LTBP1: variants seen among roughly 807,000 people sequenced by gnomAD.
LTBP1 encodes the protein latent transforming growth factor beta binding protein 1.
LTBP1 carries 129 observed loss-of-function variants against 207.6 expected under a neutral mutation model. The ratio of observed to expected loss-of-function variants is 0.62; its 90% confidence interval spans 0.54 to 0.72. The LOEUF (loss-of-function observed/expected upper bound fraction) is 0.72. Ranked by LOEUF, LTBP1 falls within the 30% of genes least tolerant of loss-of-function variation. LTBP1 has a pLI of 0.00. For synonymous variants in LTBP1, 963 were observed against 833.7 expected (o/e 1.16, Z -2.67); for missense variants, 2,281 against 2,217.2 (o/e 1.03, Z -0.58).
intron 7 of LTBP1, among the ~76,000 whole-genome samples, chr2:33,194,981 GC>G (rs1275959314): frequency 3.9e-5 from 6 of 152,218 alleles, no homozygotes; most frequent in African/African-American, 1.4e-4. Flanking sequence ...GAATAGCAAA[GC>G]CCGGATGACG....
In LTBP1 at chr2:33,021,004, A is replaced by G. The variant is rs745305897; in HGVS notation, c.661A>G (p.Ile221Val). The stretch of plus-strand genomic sequence containing the variant: ...GACCAAGGGCAAAGCCTGTGAAACA[A>G]TAGCTGCCCAGGACACCTCGTCACC... ...PGTKGKACET[I>V]AAQDTSSPVF... is the part of the protein sequence containing the mutation. The change falls in exon 3 of 34, where the codon ATA becomes GTA. Residue 221 changes from isoleucine to valine, a missense_variant. By Grantham distance (29) the Ile-to-Val change is conservative. This residue lies in a region of LTBP1 where 555 missense variants were observed against 491.0 expected (regional missense o/e 1.13). Transcript: ENST00000404816. 13 of 1,613,844 alleles carry G rather than the reference A, an allele frequency of 8.1e-6. No individual in the cohort carries two copies. Among genetic ancestry groups the G allele is most frequent in the East Asian group, 2.2e-5 (1 of 44,892 alleles).
At chr2:33,390,407 C>T (rs998697088) in intron 32 of LTBP1, among the ~76,000 whole-genome samples, 1 of 152,250 alleles carries the variant, frequency 6.6e-6, no homozygotes, top group Admixed American at 6.5e-5. Flanking sequence ...AGTCTCACTT[C>T]AAGAACGAGA....
intron 3 of LTBP1, among the ~76,000 whole-genome samples, chr2:33,067,305 G>A (rs182496021): frequency 6.6e-6 from 1 of 152,340 alleles, no homozygotes; most frequent in Admixed American, 6.5e-5. Flanking sequence ...GCAAAACAGT[G>A]CTTATATGTG....
chr2:32,948,837 T>A, intron 1 of LTBP1, 38 bp from the exon 2 acceptor site: 1 of 1,596,988 alleles, frequency 6.3e-7, no homozygotes, highest in Non-Finnish European at 8.6e-7. Context: ...GAAGGGGGTC[T>A]TTCTGCTGCT....
chr2:33,046,088 A>G (rs1242584396), intron 3 of LTBP1, among the ~76,000 whole-genome samples: 1 of 152,112 alleles, frequency 6.6e-6, no homozygotes, highest in African/African-American at 2.4e-5. Context: ...CTCTCGTCCT[A>G]TTTGAATACC....
chr2:33,375,249 G>A lies in LTBP1; in HGVS notation c.4711+9746G>A, dbSNP rs144304395. On this transcript the variant is annotated intron_variant, in intron 31 of 33. Coordinates refer to ENST00000404816, the MANE Select transcript of LTBP1 (RefSeq NM_206943.4). ...CAGTAAATGCGCCATAGCGAAAGGCGTTAGCAATTATTATGAATCAAATCC... is the reference window on the plus strand; with the variant it reads ...CAGTAAATGCGCCATAGCGAAAGGCATTAGCAATTATTATGAATCAAATCC... 1.8e-3 allele frequency among the ~76,000 whole-genome samples: 274 copies of A among 152,270 alleles called. 4 individuals carry two copies. The highest frequency in any genetic ancestry group is 5.6e-3 in the African/African-American group (233 of 41,542).
At chr2:33,283,427 CTTTTTTTTTTTTTT>C (rs763384851) in intron 19 of LTBP1, among the ~76,000 whole-genome samples, 42 of 68,876 alleles carry the variant, frequency 6.1e-4, no homozygotes, top group Non-Finnish European at 1.0e-3. Context: ...ACATTAAAGA[CTTTTTTTTTTTTTT>C]TTTTTTTTTT....
At chr2:33,358,816 A>G (rs78768258) in intron 26 of LTBP1, among the ~76,000 whole-genome samples, 6,588 of 152,266 alleles carry the variant, frequency 0.043, 155 homozygotes, top group Non-Finnish European at 0.054. Flanking sequence ...AAAATTTTCT[A>G]TAGGGCTCAT....
intron 10 of LTBP1, among the ~76,000 whole-genome samples, chr2:33,246,485 A>G (rs1036640473): frequency 1.3e-5 from 2 of 151,926 alleles, no homozygotes; most frequent in African/African-American, 4.8e-5. Context: ...ACACGCACAC[A>G]CACACACACA....
At chr2:32,969,876 A>G (rs1462797642) in intron 2 of LTBP1, among the ~76,000 whole-genome samples, 1 of 152,202 alleles carries the variant, frequency 6.6e-6, no homozygotes, top group East Asian at 1.9e-4. Flanking sequence ...GAACTAATTT[A>G]CATTCCCACC....
chr2:33,093,280 T>G (rs1395708714), intron 3 of LTBP1, among the ~76,000 whole-genome samples: 5 of 152,228 alleles, frequency 3.3e-5, no homozygotes, highest in Non-Finnish European at 1.5e-5. Flanking sequence ...GATGGTTAAA[T>G]GCAAACGTCT....
chr2:33,089,324 G>T (rs1043111345), intron 3 of LTBP1, among the ~76,000 whole-genome samples: 1 of 152,068 alleles, frequency 6.6e-6, no homozygotes, highest in Non-Finnish European at 1.5e-5. Flanking sequence ...TTTATTTTCC[G>T]TTCTCATTAG....
intron 24 of LTBP1, among the ~76,000 whole-genome samples, chr2:33,321,795 G>A (rs60147636): frequency 0.26 from 39,300 of 152,066 alleles, 5,520 homozygotes; most frequent in East Asian, 0.42. Context: ...GATGATTTTA[G>A]TATTTCTTAG....
intron 33 of LTBP1, 53 bp from the exon 34 acceptor site, chr2:33,398,311 C>T: frequency 3.9e-6 from 6 of 1,548,718 alleles, no homozygotes; most frequent in Admixed American, 1.7e-5. Context: ...GGTTATGTGT[C>T]CTCACAGAAT....
chr2:33,274,815 G>A (rs541259529), intron 16 of LTBP1, 150 bp from the exon 17 acceptor site: 111 of 690,762 alleles, frequency 1.6e-4, no homozygotes, highest in Non-Finnish European at 2.6e-4. Flanking sequence ...TCAAGTACGC[G>A]AGGAGAAAGA....
intron 4 of LTBP1, among the ~76,000 whole-genome samples, chr2:33,132,886 G>A (rs1343620627): frequency 6.6e-6 from 1 of 152,202 alleles, no homozygotes; most frequent in Non-Finnish European, 1.5e-5. Flanking sequence ...TTGAAGGGCT[G>A]TCATGTGGAA....
intron 5 of LTBP1, among the ~76,000 whole-genome samples, chr2:33,169,858 C>T (rs55911139): frequency 6.6e-6 from 1 of 151,948 alleles, no homozygotes; most frequent in Non-Finnish European, 1.5e-5. Context: ...GAAATAAAAG[C>T]AGTAAACAGA....
chr2:33,139,976 T>G (rs966906534), intron 5 of LTBP1, among the ~76,000 whole-genome samples: 6 of 152,258 alleles, frequency 3.9e-5, no homozygotes, highest in East Asian at 1.9e-4. Context: ...AAGAAGTTGA[T>G]ACTTGTCATT....
At chr2:33,155,172 TTTTGAGACAGAA>T (rs1229720224) in intron 5 of LTBP1, among the ~76,000 whole-genome samples, 1 of 152,212 alleles carries the variant, frequency 6.6e-6, no homozygotes, top group Non-Finnish European at 1.5e-5. Context: ...ATTATTATTA[TTTTGAGACAGAA>T]TCTCACTCAA....
Sources: gnomAD v4.1 joint callset for allele counts (sites outside exome capture counted in the v4.1 genomes callset) on GRCh38, gnomAD v4.1.1 for gene constraint, gnomAD v4.1.1 regional missense constraint, MANE v1.5 for transcripts, NCBI Gene and HGNC (gene_info 2026-07-23, HGNC 2026-07-21) for gene names.